The following PCDHA6 variants were observed in gnomAD, a reference collection of about 807,000 sequenced individuals.
PCDHA6 encodes the protein protocadherin alpha 6.
A neutral mutation model predicts 60.3 loss-of-function variants in PCDHA6; 55 were observed. The ratio of observed to expected loss-of-function variants is 0.91; its 90% CI spans 0.73 to 1.14. The LOEUF (loss-of-function observed/expected upper bound fraction) is 1.14, where lower values mean the gene tolerates loss of function less well. Ranked by LOEUF, PCDHA6 falls within the 50% of genes most tolerant of loss-of-function variation. The probability of loss-of-function intolerance (pLI) is 0.00; values close to 1 mark genes in which losing one functional copy is unlikely to be tolerated. For synonymous variants in PCDHA6, 652 were observed against 557.9 expected (o/e 1.17, Z -2.38); for missense variants, 1,327 against 1,256.5 (o/e 1.06, Z -0.85).
chr5:140,836,618 G>A (rs2150265827), intron 1 of PCDHA6: 4 of 1,613,598 alleles, frequency 2.5e-6, no homozygotes, highest in African/African-American at 2.7e-5. Flanking sequence ...CCAGCGCGGT[G>A]GGGAGCTGGT....
chr5:140,981,625 C>T (rs1554243036), intron 2 of PCDHA6, among the ~76,000 whole-genome samples: 2 of 152,096 alleles, frequency 1.3e-5, no homozygotes, highest in Non-Finnish European at 2.9e-5. Context: ...TGAGGGTTTT[C>T]TTGGACATTT....
intron 1 of PCDHA6, among the ~76,000 whole-genome samples, chr5:140,872,594 T>A (rs1554166277): frequency 1.3e-5 from 2 of 152,130 alleles, no homozygotes; most frequent in African/African-American, 2.4e-5. Context: ...GAGACCCCCA[T>A]CTGAAAAAAT....
chr5:140,848,486 A>G lies in PCDHA6; in HGVS notation c.2394+18001A>G. On this transcript the variant is annotated intron_variant, in intron 1 of 3. Transcript: ENST00000529310. Reference sequence around the variant, plus strand: ...ATTTTCACTAATTAGAAGAAGACTGAGTATTTGAAATGTTATACTCAAGTC... The same window carrying G: ...ATTTTCACTAATTAGAAGAAGACTGGGTATTTGAAATGTTATACTCAAGTC... 1.3e-6 allele frequency: 2 copies of G among 1,572,848 alleles called. 1 individual carries two copies.
intron 1 of PCDHA6, among the ~76,000 whole-genome samples, chr5:140,833,764 A>ACACG (rs2150211178): frequency 1.9e-3 from 286 of 152,036 alleles, no homozygotes; most frequent in African/African-American, 6.7e-3. Flanking sequence ...ACACACACAC[A>ACACG]CACCGCTTTC....
rs374506056 is a variant in PCDHA6, at chr5:140,858,272, G to T, written c.2394+27787G>T. 1.3e-4 allele frequency: 201 copies of T among 1,597,346 alleles called. 14 individuals carry two copies. In the African/African-American group the frequency reaches 2.1e-3, roughly 17 times the overall value. On this transcript the variant is annotated intron_variant, in intron 1 of 3. Transcript: ENST00000529310. The stretch of plus-strand genomic sequence containing the variant: ...GAAGCCCACGCTGGTGTGCTCTAGC[G>T]CGGTGGGGAGCTGGTCTTACTCGCA...
intron 1 of PCDHA6, among the ~76,000 whole-genome samples, chr5:140,921,037 T>C (rs2079983245): frequency 1.3e-5 from 2 of 151,986 alleles, no homozygotes; most frequent in Admixed American, 1.3e-4. Context: ...TGGGGTGCAG[T>C]GGGGCAATCA....
chr5:140,927,811 G>A, intron 1 of PCDHA6: 1 of 1,614,186 alleles, frequency 6.2e-7, no homozygotes, highest in Non-Finnish European at 8.5e-7. Context: ...AACGCTCTTG[G>A]AGGCATACAT....
At chr5:140,958,703 C>T (rs1302459806) in intron 1 of PCDHA6, among the ~76,000 whole-genome samples, 3 of 152,112 alleles carry the variant, frequency 2.0e-5, no homozygotes, top group Non-Finnish European at 4.4e-5. Flanking sequence ...AGAGTGACAA[C>T]TCTGTTATAA....
At chr5:140,907,882 G>A (rs895415928) in intron 1 of PCDHA6, among the ~76,000 whole-genome samples, 1 of 152,168 alleles carries the variant, frequency 6.6e-6, no homozygotes, top group African/African-American at 2.4e-5. Flanking sequence ...GCACTCACAT[G>A]GGATACAAAT....
chr5:140,828,462 G>C lies in PCDHA6; in HGVS notation c.371G>C (p.Arg124Thr). 1.9e-6 allele frequency: 3 copies of C among 1,614,208 alleles called. No homozygotes were observed. The highest frequency in any genetic ancestry group is 2.5e-6 in the Non-Finnish European group (3 of 1,180,034). ...GTTTTCCATGTGGACGTGGAGGTGA[G>C]GGACATTAACGACAACCCGCCCTTG... The part of the protein sequence containing the change: ...LQVFHVDVEV[R>T]DINDNPPLFP... The change falls in exon 1 of 4, where the codon AGG becomes ACG. Residue 124 changes from arginine to threonine, a missense_variant. Physicochemically the swap from Arg to Thr is moderately conservative, Grantham distance 71. Coordinates refer to ENST00000529310, the MANE Select transcript of PCDHA6 (RefSeq NM_018909.4).
chr5:140,967,740 A>G, intron 1 of PCDHA6: 6 of 1,614,170 alleles, frequency 3.7e-6, no homozygotes, highest in Non-Finnish European at 5.1e-6. Flanking sequence ...GGGCTGGATT[A>G]TGAGGAAGCC....
intron 1 of PCDHA6, chr5:140,860,619 CAT>C: frequency 6.6e-6 from 1 of 152,266 alleles, no homozygotes; most frequent in African/African-American, 2.4e-5. Context: ...GAAACATAAA[CAT>C]ATGCAGGAAT....
At chr5:140,850,654 T>G in intron 1 of PCDHA6, 1 of 1,598,638 alleles carries the variant, frequency 6.3e-7, no homozygotes, top group Non-Finnish European at 8.6e-7. Flanking sequence ...CTGTACACTG[T>G]GCTGCGGTGC....
chr5:140,933,833 A>G (rs944428844), intron 1 of PCDHA6, among the ~76,000 whole-genome samples: 1 of 151,928 alleles, frequency 6.6e-6, no homozygotes, highest in East Asian at 1.9e-4. Flanking sequence ...TATTGCTCCT[A>G]TTTCATTCCT....
chr5:140,883,137 T>C (rs2153390787), intron 1 of PCDHA6: 1 of 1,614,036 alleles, frequency 6.2e-7, no homozygotes, highest in Admixed American at 1.7e-5. Flanking sequence ...CCTGCAGTGG[T>C]ATATGCATTT....
chr5:140,863,075 CG>C (rs2047768391), intron 1 of PCDHA6: 1 of 569,530 alleles, frequency 1.8e-6, no homozygotes, highest in South Asian at 1.4e-5. Context: ...GGGCTCTGCA[CG>C]GGCGAGATCA....
intron 1 of PCDHA6, chr5:140,882,232 T>C: frequency 1.9e-6 from 3 of 1,575,806 alleles, no homozygotes; most frequent in African/African-American, 1.4e-5. Context: ...AGGCGTTGTA[T>C]ATATTGCAGA....
At chr5:140,928,121 A>C in intron 1 of PCDHA6, 1 of 1,614,194 alleles carries the variant, frequency 6.2e-7, no homozygotes, top group Non-Finnish European at 8.5e-7. Flanking sequence ...CAGATCAGTG[A>C]ATACCAAGTC....
chr5:140,953,443 A>G (rs1434216967), intron 1 of PCDHA6, among the ~76,000 whole-genome samples: 1 of 152,078 alleles, frequency 6.6e-6, no homozygotes, highest in Non-Finnish European at 1.5e-5. Flanking sequence ...TGGAGAAACT[A>G]GGGATTATCT....
Sources: gnomAD v4.1 joint callset for allele counts (sites outside exome capture counted in the v4.1 genomes callset) on GRCh38, gnomAD v4.1.1 for gene constraint, MANE v1.5 for transcripts, NCBI Gene and HGNC (gene_info 2026-07-23, HGNC 2026-07-21) for gene names.